The following PDE10A variants were observed in gnomAD, a reference collection of about 807,000 sequenced individuals.
PDE10A encodes cAMP and cAMP-inhibited cGMP 3',5'-cyclic phosphodiesterase 10A.
In PDE10A, 39 loss-of-function variants were observed where a neutral mutation model predicts 97.7. The ratio of observed to expected loss-of-function variants is 0.40; its 90% CI spans 0.31 to 0.52. PDE10A has a LOEUF of 0.52. PDE10A is among the 20% of genes least tolerant of loss of function. The probability of loss-of-function intolerance (pLI) is 0.56; values close to 1 mark genes in which losing one functional copy is unlikely to be tolerated. For synonymous variants in PDE10A, 371 were observed against 376.8 expected, an observed-to-expected ratio of 0.98 and a Z score of 0.18; for missense variants, 731 against 1,047.8, an observed-to-expected ratio of 0.70 and a Z score of 4.17.
chr6:165,508,977 T>A (rs928008886), intron 2 of PDE10A, among the ~76,000 whole-genome samples: 1 of 151,994 alleles, frequency 6.6e-6, no homozygotes, highest in Non-Finnish European at 1.5e-5. Context: ...GTGCTTCCCA[T>A]CTTCACAGAT....
chr6:165,403,650 A>G (rs1045321536), intron 13 of PDE10A, among the ~76,000 whole-genome samples: 1 of 152,232 alleles, frequency 6.6e-6, no homozygotes, highest in African/African-American at 2.4e-5. Context: ...GTTTGTCAAT[A>G]GCATTAAATA....
intron 1 of PDE10A, among the ~76,000 whole-genome samples, chr6:165,736,196 T>C (rs1162346815): frequency 6.6e-6 from 1 of 152,078 alleles, no homozygotes; most frequent in Non-Finnish European, 1.5e-5. Context: ...TATGAGTAAA[T>C]CTAAAGAAAC....
At chr6:165,628,376 G>C (rs1207021109) in intron 1 of PDE10A, among the ~76,000 whole-genome samples, 1 of 151,314 alleles carries the variant, frequency 6.6e-6, no homozygotes, top group Non-Finnish European at 1.5e-5. Flanking sequence ...TTCAGAGGTA[G>C]AGTCTTGCTC....
chr6:165,477,367 T>C (rs1779351954), intron 3 of PDE10A, among the ~76,000 whole-genome samples: 2 of 152,182 alleles, frequency 1.3e-5, no homozygotes. Context: ...CTTTTCTGTC[T>C]CCACAGCACT....
chr6:165,503,871 G>A (rs895979604), intron 2 of PDE10A, among the ~76,000 whole-genome samples: 2 of 152,128 alleles, frequency 1.3e-5, no homozygotes, highest in East Asian at 1.9e-4. Context: ...TCCACTAACA[G>A]TGGGAAATAT....
chr6:165,805,053 G>C (rs1158878309), intron 1 of PDE10A, among the ~76,000 whole-genome samples: 4 of 148,366 alleles, frequency 2.7e-5, no homozygotes, highest in African/African-American at 5.0e-5. Context: ...CGCACGGAGA[G>C]GAGCATGGAG....
chr6:165,619,424 GTAGTA>G (rs1562634817), intron 1 of PDE10A, among the ~76,000 whole-genome samples: 3 of 113,290 alleles, frequency 2.6e-5, no homozygotes, highest in East Asian at 2.4e-4. Context: ...GTAGTGTAGT[GTAGTA>G]TAGTGTAGTG....
intron 1 of PDE10A, among the ~76,000 whole-genome samples, chr6:165,635,156 G>A (rs188846151): frequency 2.0e-5 from 3 of 152,206 alleles, no homozygotes; most frequent in African/African-American, 7.2e-5. Flanking sequence ...GCAGCCTAAG[G>A]GCTTCCTTTA....
At chr6:165,973,656 G>T (rs13213874) in intron 1 of PDE10A, among the ~76,000 whole-genome samples, 9 of 152,194 alleles carry the variant, frequency 5.9e-5, no homozygotes, top group Non-Finnish European at 1.3e-4. Context: ...CCCCAGGGAA[G>T]AGGCAGACAG....
chr6:165,433,336 T>G (rs1789736422), intron 6 of PDE10A, among the ~76,000 whole-genome samples: 1 of 152,220 alleles, frequency 6.6e-6, no homozygotes, highest in African/African-American at 2.4e-5. Flanking sequence ...ACTGCTTTAA[T>G]ATTTCTTTAT....
At chr6:165,649,745 A>G (rs1398902902) in intron 1 of PDE10A, among the ~76,000 whole-genome samples, 1 of 152,136 alleles carries the variant, frequency 6.6e-6, no homozygotes, top group Non-Finnish European at 1.5e-5. Flanking sequence ...TGTCAATGTC[A>G]CTTGAGGCTA....
At chr6:165,621,994 C>A (rs1228666716) in intron 1 of PDE10A, among the ~76,000 whole-genome samples, 1 of 152,132 alleles carries the variant, frequency 6.6e-6, no homozygotes, top group Admixed American at 6.5e-5. Context: ...TCAGTGGACT[C>A]TGAGTAAAGC....
intron 1 of PDE10A, among the ~76,000 whole-genome samples, chr6:165,730,668 GC>G (rs1792408417): frequency 6.6e-6 from 1 of 151,008 alleles, no homozygotes; most frequent in Admixed American, 6.6e-5. Flanking sequence ...CAGGGGAATC[GC>G]TTGAACCTGG....
chr6:165,540,764 G>C (rs1197140319), intron 2 of PDE10A, among the ~76,000 whole-genome samples: 3 of 152,124 alleles, frequency 2.0e-5, no homozygotes, highest in Non-Finnish European at 2.9e-5. Context: ...CAAGTAGCTG[G>C]GATTACAGGC....
chr6:165,955,283 T>C (rs1784102067), intron 1 of PDE10A, among the ~76,000 whole-genome samples: 1 of 152,176 alleles, frequency 6.6e-6, no homozygotes, highest in Admixed American at 6.5e-5. Flanking sequence ...CATCCCTCTT[T>C]TATTTTCCAC....
In PDE10A at chr6:165,445,890, GTT is replaced by G. The variant is rs1212743860; in HGVS notation, c.1194+3036_1194+3037del. Among the ~76,000 whole-genome samples the G allele has an allele frequency of 1.0e-4, 13 of 129,494 alleles. No homozygotes were observed. In the East Asian group the frequency reaches 3.0e-3, roughly 30 times the overall value. 85.0% of individuals were successfully genotyped at this position (129,494 alleles called of 152,430 possible). A position where few individuals can be genotyped will look rare whatever the true frequency, so the allele number is the denominator to read the frequency against. On this transcript the variant is annotated intron_variant, in intron 5 of 21. Transcript: ENST00000539869. Reference sequence around the variant, plus strand: ...GGCCCATGGAAGAATAGAATTCACAGTTAGAGAGAGAGAGAGAGAGAGAGAGA... The same window carrying G: ...GGCCCATGGAAGAATAGAATTCACAGAGAGAGAGAGAGAGAGAGAGAGAGA...
At chr6:165,944,502 G>A (rs544003332) in intron 1 of PDE10A, among the ~76,000 whole-genome samples, 2 of 152,154 alleles carry the variant, frequency 1.3e-5, no homozygotes, top group African/African-American at 2.4e-5. Context: ...TCAACGTGAC[G>A]TCTTTACTGT....
At chr6:165,922,495 T>C (rs1782785152) in intron 1 of PDE10A, among the ~76,000 whole-genome samples, 1 of 152,238 alleles carries the variant, frequency 6.6e-6, no homozygotes, top group East Asian at 1.9e-4. Flanking sequence ...AAGGGATGTT[T>C]AATATTTTGA....
intron 1 of PDE10A, among the ~76,000 whole-genome samples, chr6:165,808,752 A>C (rs1397871305): frequency 6.6e-6 from 1 of 152,222 alleles, no homozygotes; most frequent in Non-Finnish European, 1.5e-5. Flanking sequence ...CATTTAAGTC[A>C]GTTGACTTAT....
Sources: allele counts gnomAD v4.1 joint callset (sites outside exome capture counted in the v4.1 genomes callset), GRCh38; gene constraint gnomAD v4.1.1; transcripts MANE v1.5; gene names NCBI Gene and HGNC (gene_info 2026-07-23, HGNC 2026-07-21).